Variants in ZNF658 observed in about 807,000 individuals in gnomAD.
The protein encoded by ZNF658 is zinc finger protein 658.
ZNF658 carries 46 observed loss-of-function variants against 78.0 expected under a neutral mutation model. That is an observed-to-expected ratio of 0.59 (90% CI 0.47 to 0.75). The LOEUF is 0.75. Ranked by LOEUF, ZNF658 falls within the 30% of genes least tolerant of loss-of-function variation. The pLI, the probability that ZNF658 is intolerant of heterozygous loss-of-function variation, is 0.00. For synonymous variants in ZNF658, 279 were observed against 408.4 expected (o/e 0.68, Z 3.82); for missense variants, 785 against 1,189.3 (o/e 0.66, Z 5.00).
Position 66,928,696 on chromosome 9 carries a change from CAA to C in ZNF658, c.*55-3315_*55-3314del, listed in dbSNP as rs61272144. On this transcript the variant is annotated intron_variant and NMD_transcript_variant, in intron 6 of 6. Coordinates refer to the ZNF658 transcript ENST00000622180. ...TGAAACCCCATCTCTACTAAAAATACAAAAAAAAAAAAAAATAGCCAGGAGAT... is the reference window on the plus strand; with the variant it reads ...TGAAACCCCATCTCTACTAAAAATACAAAAAAAAAAAAATAGCCAGGAGAT... Among the ~76,000 whole-genome samples the C allele has an allele frequency of 9.5e-3, 1,218 of 128,558 alleles. 9 individuals carry two copies. The highest frequency in any genetic ancestry group is 0.015 in the Middle Eastern group (4 of 270). The allele number at this position is 128,558 out of a possible 152,430, so 84.3% of individuals were successfully genotyped here.
At chr9:66,915,007 ATTTAC>A (rs1822300797) in intron 4 of ZNF658, among the ~76,000 whole-genome samples, 1 of 151,842 alleles carries the variant, frequency 6.6e-6, no homozygotes, top group South Asian at 2.1e-4. Flanking sequence ...GTTTGGTAAA[ATTTAC>A]TAGTTAAAAC....
intron 6 of ZNF658, among the ~76,000 whole-genome samples, chr9:66,931,373 A>C (rs1434566120): frequency 6.6e-6 from 1 of 151,676 alleles, no homozygotes. Context: ...AGTTTTATTA[A>C]GTTTAATAAT....
downstream of ZNF658, among the ~76,000 whole-genome samples, chr9:66,922,949 G>A (rs1033276463): frequency 6.6e-5 from 10 of 151,700 alleles, no homozygotes; most frequent in African/African-American, 2.2e-4. Flanking sequence ...GGTCTGGGAA[G>A]GTGGGGTGTA....
At chr9:66,921,667 C>A (rs920150124), downstream of ZNF658, among the ~76,000 whole-genome samples, 1 of 152,034 alleles carries the variant, frequency 6.6e-6, no homozygotes, top group African/African-American at 2.4e-5. Context: ...TATTGCTAAT[C>A]GATTGCAGAA....
chr9:66,903,339 G>A (rs551613885), intron 1 of ZNF658, 179 bp from the exon 2 acceptor site: 8 of 543,396 alleles, frequency 1.5e-5, no homozygotes, highest in East Asian at 1.2e-4. Flanking sequence ...CTCCAGCTGA[G>A]TGCGATGATT....
intron 2 of ZNF658, among the ~76,000 whole-genome samples, chr9:66,907,179 C>G (rs1210845892): frequency 6.6e-6 from 1 of 151,976 alleles, no homozygotes; most frequent in Non-Finnish European, 1.5e-5. Flanking sequence ...CTGTCTGTCT[C>G]TGCTAATTTT....
In ZNF658 at chr9:66,912,132, CA is replaced by C. The variant is rs1204033388; in HGVS notation, c.238+3416del. Among the ~76,000 whole-genome samples, 213 of 49,364 alleles carry C rather than the reference CA, an allele frequency of 4.3e-3. 14 individuals are homozygous for C. Among genetic ancestry groups the C allele is most frequent in the African/African-American group, 0.021 (144 of 6,944 alleles). The allele number at this position is 49,364 out of a possible 152,430, so 32.4% of individuals were successfully genotyped here. A position where few individuals can be genotyped will look rare whatever the true frequency, so the allele number is the denominator to read the frequency against. The stretch of plus-strand genomic sequence containing the variant: ...TGGGCGACAGAGCAAGACCCCATCT[CA>C]AAAAAAAAAAAAAAAAAGACAAAAG... On this transcript the variant is annotated intron_variant, in intron 4 of 4. Coordinates refer to ENST00000621410, the MANE Select transcript of ZNF658 (RefSeq NM_033160.7).
At chr9:66,910,163 A>G (rs1004534011) in intron 4 of ZNF658, among the ~76,000 whole-genome samples, 14 of 152,158 alleles carry the variant, frequency 9.2e-5, no homozygotes, top group Admixed American at 8.5e-4. Flanking sequence ...GCTTCAAGAT[A>G]AGAATTTGGG....
At chr9:66,913,196 G>A (rs1811946) in intron 4 of ZNF658, among the ~76,000 whole-genome samples, 3,394 of 150,924 alleles carry the variant, frequency 0.022, 76 homozygotes, top group African/African-American at 0.063. Context: ...AGGCCGAGGC[G>A]GGTGGATCAC....
chr9:66,902,434 G>A (rs1335744531), intron 1 of ZNF658, among the ~76,000 whole-genome samples: 6 of 114,496 alleles, frequency 5.2e-5, no homozygotes, highest in East Asian at 2.3e-4. Context: ...ATCACAGACC[G>A]TGTGACTTTG....
At chr9:66,904,256 A>G (rs1012130888) in intron 2 of ZNF658, among the ~76,000 whole-genome samples, 2 of 152,042 alleles carry the variant, frequency 1.3e-5, no homozygotes, top group Non-Finnish European at 2.9e-5. Flanking sequence ...CAGTGTCCCT[A>G]CCCATAGTAT....
At position 66,917,966 on chromosome 9, in the gene ZNF658, A is replaced by G; in HGVS notation, c.400A>G (p.Lys134Glu). 1 of 1,608,888 alleles carries G rather than the reference A, an allele frequency of 6.2e-7. No individual in the cohort carries two copies. The highest frequency in any genetic ancestry group is 8.5e-7 in the Non-Finnish European group (1 of 1,179,096). The change falls in exon 5 of 5, where the codon AAA (lysine) becomes GAA (glutamate). Residue 134 changes from lysine to glutamate, a missense_variant. Physicochemically the swap from Lys to Glu is moderately conservative, Grantham distance 56 (BLOSUM62 1). This residue lies in a region of ZNF658 where 54 missense variants were observed against 48.9 expected (regional missense o/e 1.10). Coordinates refer to ENST00000621410, the MANE Select transcript of ZNF658 (RefSeq NM_033160.7). ...NLEIAPELSE[K>E]ISCKCDSHRM... is the part of the protein sequence containing the mutation. Reference sequence around the variant, plus strand: ...GGAAATAGCTCCAGAGCTTTCAGAAAAAATATCCTGTAAATGTGACTCACA... The same window carrying G: ...GGAAATAGCTCCAGAGCTTTCAGAAGAAATATCCTGTAAATGTGACTCACA...
chr9:66,901,772 C>T lies in ZNF658; in HGVS notation c.-45+936C>T, dbSNP rs1459751114. On this transcript the variant is annotated intron_variant, in intron 1 of 4. Coordinates refer to ENST00000621410, the MANE Select transcript of ZNF658 (RefSeq NM_033160.7). ...CCAGCCTGGCCATCATGGCAAAAGC[C>T]CATCTCTACAAAAATAAAAAAATTA... is the stretch of plus-strand genomic sequence containing the variant. Among the ~76,000 whole-genome samples the T allele has an allele frequency of 2.6e-5, 4 of 151,440 alleles. No individual in the cohort carries two copies. In the East Asian group the frequency reaches 7.8e-4, roughly 30 times the overall value.
At chr9:66,909,640 C>T (rs549763224) in intron 4 of ZNF658, among the ~76,000 whole-genome samples, 3 of 152,178 alleles carry the variant, frequency 2.0e-5, no homozygotes, top group African/African-American at 7.2e-5. Context: ...GAGGAACCAC[C>T]AGACTGTTTT....
intron 1 of ZNF658, among the ~76,000 whole-genome samples, chr9:66,901,291 G>C (rs553615641): frequency 3.9e-5 from 6 of 152,238 alleles, no homozygotes; most frequent in Admixed American, 3.9e-4. Context: ...GAAAGTTCAT[G>C]GGGATGGGTA....
intron 4 of ZNF658, among the ~76,000 whole-genome samples, chr9:66,913,466 C>A (rs1166657305): frequency 6.6e-6 from 1 of 151,574 alleles, no homozygotes; most frequent in Non-Finnish European, 1.5e-5. Context: ...CCTCTTCCAC[C>A]CCCAGGGGGT....
chr9:66,919,510 T>C lies in ZNF658; in HGVS notation c.1944T>C (p.His648=), dbSNP rs1273108936. The change falls in exon 5 of 5, where the codon CAT becomes CAC. Residue 648 remains histidine, a synonymous_variant. Coordinates refer to ENST00000621410, the MANE Select transcript of ZNF658 (RefSeq NM_033160.7). ...SFAHISVLKA[H]QRIHTGEKPY... is the part of the protein sequence containing the mutation. ...CCCATATTTCTGTTCTCAAGGCACA[T>C]CAAAGAATTCACACAGGGGAGAAAC... The C allele has an allele frequency of 1.2e-6, 2 of 1,610,590 alleles. No individual in the cohort carries two copies. Among genetic ancestry groups the C allele is most frequent in the South Asian group, 2.2e-5 (2 of 90,934 alleles).
chr9:66,921,330 T>G lies in ZNF658; in HGVS notation c.*584T>G, dbSNP rs1822522886. The G allele has an allele frequency of 1.3e-5, 2 of 152,336 alleles. No individual in the cohort carries two copies. Among genetic ancestry groups the G allele is most frequent in the Admixed American group, 1.3e-4 (2 of 15,266 alleles). The allele number at this position is 152,336 out of a possible 1,614,324, so 9.4% of individuals were successfully genotyped here. On this transcript the variant is annotated 3_prime_UTR_variant, in exon 5 of 5. Coordinates refer to ENST00000621410, the MANE Select transcript of ZNF658 (RefSeq NM_033160.7). ...TCGACATCCAGGATGATCAGGAGCCTTCATTAAAACAGAAATTTTAGGGAA... is the reference window on the plus strand; with the variant it reads ...TCGACATCCAGGATGATCAGGAGCCGTCATTAAAACAGAAATTTTAGGGAA...
intron 4 of ZNF658, among the ~76,000 whole-genome samples, chr9:66,917,187 G>A (rs1454516100): frequency 1.6e-4 from 13 of 79,764 alleles, no homozygotes; most frequent in Non-Finnish European, 4.9e-5. Context: ...CCATTTTGTA[G>A]TATTCGTATA....
Sources: gnomAD v4.1 joint callset for allele counts (sites outside exome capture counted in the v4.1 genomes callset) on GRCh38, gnomAD v4.1.1 for gene constraint, gnomAD v4.1.1 regional missense constraint, MANE v1.5 for transcripts, NCBI Gene and HGNC (gene_info 2026-07-23, HGNC 2026-07-21) for gene names.